The following SNTG1 variants were observed in gnomAD, a reference collection of about 807,000 sequenced individuals.
SNTG1 encodes the protein syntrophin gamma 1.
Under a neutral mutation model 74.7 loss-of-function variants are expected in SNTG1, and 39 were observed. That is an observed-to-expected ratio of 0.52 (90% CI 0.40 to 0.68). The LOEUF (loss-of-function observed/expected upper bound fraction) is 0.68, where lower values mean the gene tolerates loss of function less well. SNTG1 is among the 30% of genes least tolerant of loss of function. The probability of loss-of-function intolerance (pLI) is 0.00; values close to 1 mark genes in which losing one functional copy is unlikely to be tolerated. For synonymous variants in SNTG1, 254 were observed against 217.1 expected, an observed-to-expected ratio of 1.17 and a Z score of -1.49; for missense variants, 685 against 609.5, an observed-to-expected ratio of 1.12 and a Z score of -1.30.
chr8:50,688,246 A>G (rs1239716415), intron 15 of SNTG1, among the ~76,000 whole-genome samples: 1 of 152,026 alleles, frequency 6.6e-6, no homozygotes, highest in Non-Finnish European at 1.5e-5. Flanking sequence ...GCTGTGCAGA[A>G]GCTCTTTAGT....
chr8:50,106,023 T>C (rs558995310), intron 1 of SNTG1, among the ~76,000 whole-genome samples: 4 of 152,254 alleles, frequency 2.6e-5, no homozygotes, highest in African/African-American at 7.2e-5. Flanking sequence ...GCCTTTTATT[T>C]CTTTCTCTTG....
chr8:50,461,018 G>A (rs1023218725), intron 8 of SNTG1, among the ~76,000 whole-genome samples: 1 of 151,598 alleles, frequency 6.6e-6, no homozygotes, highest in Non-Finnish European at 1.5e-5. Flanking sequence ...CCTCTTACAG[G>A]ATCCCATCAG....
chr8:50,431,487 T>C (rs1387154206), intron 4 of SNTG1, among the ~76,000 whole-genome samples: 1 of 152,212 alleles, frequency 6.6e-6, no homozygotes. Context: ...TTGGTGATAA[T>C]GGATACAGGT....
chr8:50,591,975 C>T (rs546529178), intron 13 of SNTG1, among the ~76,000 whole-genome samples: 20 of 152,302 alleles, frequency 1.3e-4, no homozygotes, highest in African/African-American at 4.8e-4. Flanking sequence ...GAGCTGTCAC[C>T]AGCAGCTTCT....
chr8:50,533,938 C>T (rs1356859049), intron 10 of SNTG1, among the ~76,000 whole-genome samples: 1 of 152,162 alleles, frequency 6.6e-6, no homozygotes, highest in African/African-American at 2.4e-5. Flanking sequence ...CTCAACATCT[C>T]ATTACCCATA....
chr8:49,965,551 A>G (rs1391426308), intron 1 of SNTG1, among the ~76,000 whole-genome samples: 1 of 152,196 alleles, frequency 6.6e-6, no homozygotes, highest in South Asian at 2.1e-4. Flanking sequence ...TCTGGACACC[A>G]GGACAATAGT....
At chr8:49,989,963 A>T (rs771600511) in intron 1 of SNTG1, among the ~76,000 whole-genome samples, 1 of 151,974 alleles carries the variant, frequency 6.6e-6, no homozygotes, top group African/African-American at 2.4e-5. Context: ...AATTTGATAA[A>T]AAGTATCCAT....
At chr8:50,458,277 A>G (rs1181348724) in intron 8 of SNTG1, 1 of 152,222 alleles carries the variant, frequency 6.6e-6, no homozygotes, top group East Asian at 1.9e-4. Flanking sequence ...TTTCAGATAG[A>G]TGGTGAAAAT....
intron 15 of SNTG1, among the ~76,000 whole-genome samples, chr8:50,701,895 C>T (rs984756040): frequency 3.3e-5 from 5 of 150,810 alleles, no homozygotes; most frequent in East Asian, 3.9e-4. Flanking sequence ...TGGTTGCCCA[C>T]GCTGGAATGC....
At chr8:50,015,824 T>C (rs745321312) in intron 1 of SNTG1, among the ~76,000 whole-genome samples, 1 of 152,124 alleles carries the variant, frequency 6.6e-6, no homozygotes, top group Non-Finnish European at 1.5e-5. Flanking sequence ...GAAAACATTC[T>C]CTGCAAAAAA....
At chr8:50,217,328 A>T (rs13340626) in intron 2 of SNTG1, among the ~76,000 whole-genome samples, 13,726 of 151,944 alleles carry the variant, frequency 0.09, 1,645 homozygotes, top group African/African-American at 0.28. Context: ...AAGGGGAGTC[A>T]TTTTTTTCAA....
chr8:50,186,669 CT>C (rs568065188), intron 2 of SNTG1, among the ~76,000 whole-genome samples: 6,721 of 150,966 alleles, frequency 0.045, 182 homozygotes, highest in Middle Eastern at 0.086. Flanking sequence ...GCATAAATGT[CT>C]TTTTTTTTGA....
intron 15 of SNTG1, among the ~76,000 whole-genome samples, chr8:50,675,217 C>G (rs2095304522): frequency 6.6e-6 from 1 of 151,974 alleles, no homozygotes; most frequent in South Asian, 2.1e-4. Flanking sequence ...TCCTGAATAT[C>G]CTTGTTAATT....
intron 1 of SNTG1, among the ~76,000 whole-genome samples, chr8:49,927,932 T>G (rs912979250): frequency 1.3e-5 from 2 of 151,684 alleles, no homozygotes; most frequent in South Asian, 2.1e-4. Flanking sequence ...CTAGCCAACA[T>G]AGTAAAACCC....
intron 2 of SNTG1, among the ~76,000 whole-genome samples, chr8:50,380,664 G>T (rs1052636667): frequency 1.3e-5 from 2 of 152,164 alleles, no homozygotes; most frequent in Non-Finnish European, 2.9e-5. Context: ...CAGTCTCCTG[G>T]GCAATGGAGC....
intron 2 of SNTG1, among the ~76,000 whole-genome samples, chr8:50,360,709 A>G (rs1278782362): frequency 6.6e-6 from 1 of 152,214 alleles, no homozygotes; most frequent in East Asian, 1.9e-4. Flanking sequence ...CAGTATTTAT[A>G]TCTCCAAACA....
At chr8:50,487,691 G>T (rs2093809874) in intron 8 of SNTG1, among the ~76,000 whole-genome samples, 1 of 78,492 alleles carries the variant, frequency 1.3e-5, no homozygotes. Context: ...CTGTTGTGGG[G>T]TCGGAGGGGG....
intron 1 of SNTG1, among the ~76,000 whole-genome samples, chr8:50,126,077 T>G (rs1293891511): frequency 1.3e-5 from 2 of 152,102 alleles, no homozygotes; most frequent in East Asian, 3.9e-4. Flanking sequence ...GCACCCTTCT[T>G]GGGTCATCAC....
At chr8:50,639,896 G>C (rs1163295225) in intron 13 of SNTG1, among the ~76,000 whole-genome samples, 1 of 151,996 alleles carries the variant, frequency 6.6e-6, no homozygotes. Flanking sequence ...TAAAATAGGT[G>C]ACATGATAGG....
Sources: allele counts gnomAD v4.1 joint callset (sites outside exome capture counted in the v4.1 genomes callset), GRCh38; gene constraint gnomAD v4.1.1; transcripts MANE v1.5; gene names NCBI Gene and HGNC (gene_info 2026-07-23, HGNC 2026-07-21).